SP110: variants seen among roughly 807,000 people sequenced by gnomAD.
SP110 encodes the protein interferon-induced protein 41, 30kD.
A neutral mutation model predicts 92.7 loss-of-function variants in SP110; 62 were observed. That is an observed-to-expected ratio of 0.67 (90% CI 0.55 to 0.83). SP110 has a LOEUF of 0.83. SP110 is among the 40% of genes least tolerant of loss of function. SP110 has a pLI of 0.00. For synonymous variants in SP110, 273 were observed against 305.3 expected, an observed-to-expected ratio of 0.89 and a Z score of 1.10; for missense variants, 793 against 863.9, an observed-to-expected ratio of 0.92 and a Z score of 1.03.
chr2:230,193,809 T>A (rs1224217299), intron 10 of SP110, among the ~76,000 whole-genome samples: 1 of 152,182 alleles, frequency 6.6e-6, no homozygotes, highest in Non-Finnish European at 1.5e-5. Flanking sequence ...CTTGCTAGAA[T>A]TGAGAAGCCA....
chr2:230,212,653 A>C, intron 4 of SP110, 108 bp downstream of exon 4: 1 of 1,441,896 alleles, frequency 6.9e-7, no homozygotes, highest in South Asian at 1.2e-5. Context: ...AGATGGGTGC[A>C]AGAGAAGAAC....
chr2:230,223,669 A>G (rs1221451253), upstream of SP110, among the ~76,000 whole-genome samples: 1 of 152,228 alleles, frequency 6.6e-6, no homozygotes, highest in Non-Finnish European at 1.5e-5. Context: ...AAAACAGTGA[A>G]CATCCCCATT....
At chr2:230,219,458 T>G (rs2045592307) in intron 1 of SP110, 1 of 152,210 alleles carries the variant, frequency 6.6e-6, no homozygotes, top group South Asian at 2.1e-4. Flanking sequence ...AAGGAAATAA[T>G]CATGTATTTA....
intron 16 of SP110, 115 bp from the exon 17 acceptor site, chr2:230,171,882 A>C: frequency 1.1e-6 from 1 of 908,422 alleles, no homozygotes; most frequent in Non-Finnish European, 1.8e-6. Context: ...CATTCCAGCC[A>C]TGCTTCCCAA....
At position 230,199,145 on chromosome 2, in the gene SP110, A is replaced by T. The variant is rs985081516; in HGVS notation, c.1129+1740T>A. Among the ~76,000 whole-genome samples, 616 of 121,634 alleles carry T rather than the reference A, an allele frequency of 5.1e-3. 3 individuals carry two copies. The highest frequency in any genetic ancestry group is 0.023 in the African/African-American group (588 of 26,020). 79.8% of individuals were successfully genotyped at this position (121,634 alleles called of 152,430 possible). ...TTTAGCTACTATTATTATTATTATT[A>T]TTATTTTTTTTTTTTTTTAGTGGGG... On this transcript the variant is annotated intron_variant, in intron 10 of 18. Transcript: ENST00000258381.
At chr2:230,176,430 C>A (rs2041862924) in intron 14 of SP110, 1 of 1,385,484 alleles carries the variant, frequency 7.2e-7, no homozygotes, top group South Asian at 1.5e-5. Context: ...TGGTTTATAG[C>A]CATCCAAATA....
intron 8 of SP110, among the ~76,000 whole-genome samples, chr2:230,207,617 T>C (rs958384378): frequency 2.6e-5 from 4 of 152,202 alleles, no homozygotes; most frequent in Non-Finnish European, 4.4e-5. Context: ...AAGCCAGAAA[T>C]TGAAGAGTGG....
intron 8 of SP110, among the ~76,000 whole-genome samples, chr2:230,204,214 C>T (rs1248904924): frequency 6.6e-6 from 1 of 152,220 alleles, no homozygotes; most frequent in Non-Finnish European, 1.5e-5. Context: ...GTTACCTCAA[C>T]AGAACTGACC....
chr2:230,179,493 A>AGGGGGGGGGGGG (rs2042028994), intron 12 of SP110, among the ~76,000 whole-genome samples: 1 of 27,224 alleles, frequency 3.7e-5, no homozygotes, highest in African/African-American at 1.4e-4. Flanking sequence ...GGGGGCAGGG[A>AGGGGGGGGGGGG]GGAGTGGGGG....
At chr2:230,179,337 T>G (rs59080561) in intron 12 of SP110, among the ~76,000 whole-genome samples, 38,702 of 151,500 alleles carry the variant, frequency 0.26, 5,593 homozygotes, top group East Asian at 0.57. Context: ...TGGAGGGTAG[T>G]GGGGGTGTGG....
At chr2:230,223,903 G>C (rs527328008), upstream of SP110, among the ~76,000 whole-genome samples, 3 of 152,286 alleles carry the variant, frequency 2.0e-5, no homozygotes, top group South Asian at 6.2e-4. Context: ...TCTGGATGGG[G>C]GAACAGAGCC....
chr2:230,220,661 C>A (rs992096238), upstream of SP110, among the ~76,000 whole-genome samples: 1 of 152,022 alleles, frequency 6.6e-6, no homozygotes, highest in African/African-American at 2.4e-5. Context: ...CTTCTCATGC[C>A]CCTTTTAAAG....
intron 14 of SP110, chr2:230,176,843 C>A: frequency 9.3e-7 from 1 of 1,074,350 alleles, no homozygotes; most frequent in Non-Finnish European, 1.4e-6. Context: ...ATCTCAAACC[C>A]AAGAAGTCAA....
intron 18 of SP110, among the ~76,000 whole-genome samples, chr2:230,169,717 G>A (rs1208522680): frequency 6.6e-6 from 1 of 152,188 alleles, no homozygotes; most frequent in Non-Finnish European, 1.5e-5. Flanking sequence ...CCAGCTGGTT[G>A]TTAATTTCCA....
chr2:230,195,779 C>T (rs2042842195), intron 10 of SP110, among the ~76,000 whole-genome samples: 1 of 151,604 alleles, frequency 6.6e-6, no homozygotes, highest in Admixed American at 6.6e-5. Context: ...TAAAAATATA[C>T]AGAAGGAGCA....
At chr2:230,190,763 T>A (rs576352155) in intron 10 of SP110, among the ~76,000 whole-genome samples, 1 of 152,316 alleles carries the variant, frequency 6.6e-6, no homozygotes, top group African/African-American at 2.4e-5. Flanking sequence ...CCAGTTTCAG[T>A]TTTCTGCATA....
intron 10 of SP110, among the ~76,000 whole-genome samples, chr2:230,189,317 C>T (rs370050392): frequency 3.3e-5 from 5 of 152,004 alleles, no homozygotes; most frequent in African/African-American, 7.2e-5. Context: ...AGGCATTTAG[C>T]GCTATGAACT....
intron 11 of SP110, among the ~76,000 whole-genome samples, chr2:230,185,473 T>C (rs758466635): frequency 6.6e-6 from 1 of 152,198 alleles, no homozygotes; most frequent in Non-Finnish European, 1.5e-5. Flanking sequence ...ATCTTGTTAT[T>C]TCTAGTGTTG....
chr2:230,175,320 T>C (rs180828587), intron 14 of SP110, among the ~76,000 whole-genome samples: 1 of 152,296 alleles, frequency 6.6e-6, no homozygotes, highest in East Asian at 1.9e-4. Context: ...GATAACTCCA[T>C]ACTTATGAAT....
Sources: gnomAD v4.1 joint callset for allele counts (sites outside exome capture counted in the v4.1 genomes callset) on GRCh38, gnomAD v4.1.1 for gene constraint, MANE v1.5 for transcripts, NCBI Gene and HGNC (gene_info 2026-07-23, HGNC 2026-07-21) for gene names.